The following SPATA13 variants were observed in gnomAD, a reference collection of about 807,000 sequenced individuals.
SPATA13 encodes spermatogenesis-associated protein 13.
SPATA13 carries 50 observed loss-of-function variants against 104.0 expected under a neutral mutation model. The ratio of observed to expected loss-of-function variants is 0.48; its 90% CI spans 0.38 to 0.61. The LOEUF (loss-of-function observed/expected upper bound fraction) is 0.61. Ranked by LOEUF, SPATA13 falls within the 20% of genes least tolerant of loss-of-function variation. The pLI is 0.00. For missense variants in SPATA13, 1,524 were observed against 1,690.6 expected (o/e 0.90, Z 1.73); for synonymous variants, 606 against 667.5 (o/e 0.91, Z 1.42).
At chr13:23,988,768 A>G (rs943501694) in intron 2 of SPATA13, among the ~76,000 whole-genome samples, 2 of 152,144 alleles carry the variant, frequency 1.3e-5, no homozygotes, top group Non-Finnish European at 2.9e-5. Flanking sequence ...GGGACATTGT[A>G]TTTCTTTTAC....
chr13:24,123,107 T>C, intron 3 of SPATA13: 2 of 1,002,532 alleles, frequency 2.0e-6, no homozygotes, highest in Non-Finnish European at 3.2e-6. Flanking sequence ...CACAGATCAT[T>C]TTCTGAATTG....
At chr13:24,129,643 A>C (rs1881332594) in intron 3 of SPATA13, among the ~76,000 whole-genome samples, 1 of 152,216 alleles carries the variant, frequency 6.6e-6, no homozygotes, top group Non-Finnish European at 1.5e-5. Flanking sequence ...AGGAAGAGCT[A>C]GTGGCTTCTG....
intron 1 of SPATA13, among the ~76,000 whole-genome samples, chr13:24,208,836 T>C (rs959492278): frequency 6.6e-6 from 1 of 152,198 alleles, no homozygotes; most frequent in African/African-American, 2.4e-5. Flanking sequence ...GCACTTGGTT[T>C]AATTTGAAGT....
chr13:24,153,825 T>C (rs1882176434), intron 3 of SPATA13, among the ~76,000 whole-genome samples: 3 of 151,664 alleles, frequency 2.0e-5, no homozygotes, highest in African/African-American at 7.3e-5. Context: ...AGTGAGAGAG[T>C]GGAGTTTGGA....
In SPATA13 at chr13:24,286,748, CT is replaced by C. The variant is rs1875975370; in HGVS notation, c.2482-16del. On this transcript the variant is annotated splice_polypyrimidine_tract_variant and intron_variant, in intron 6 of 12. Transcript: ENST00000382108. The surrounding 1 kb of genome is among the most constrained non-coding windows in gnomAD (Gnocchi z 4.9). ...TCCCCTGCCCCAAGTCACCTGTCCC[CT>C]GTATGTGGGTTGCAGTTGCGAGTGA... 1 of 1,612,308 alleles carries C rather than the reference CT, an allele frequency of 6.2e-7. No homozygotes were observed. Among genetic ancestry groups the C allele is most frequent in the African/African-American group, 1.3e-5 (1 of 74,846 alleles).
At chr13:24,121,994 C>T (rs1345507130) in intron 3 of SPATA13, 33 of 1,071,962 alleles carry the variant, frequency 3.1e-5, no homozygotes, top group Non-Finnish European at 4.5e-5. Flanking sequence ...ACATGAACCA[C>T]TTCTGGAACC....
At chr13:24,279,709 G>A (rs974920766) in intron 4 of SPATA13, among the ~76,000 whole-genome samples, 2 of 152,206 alleles carry the variant, frequency 1.3e-5, no homozygotes, top group African/African-American at 4.8e-5. Flanking sequence ...TTTACAGATG[G>A]GAAAACTGAA....
chr13:24,143,302 C>A (rs879573563), intron 3 of SPATA13, among the ~76,000 whole-genome samples: 1 of 152,106 alleles, frequency 6.6e-6, no homozygotes, highest in Non-Finnish European at 1.5e-5. Context: ...GGGAGGGAAC[C>A]TACGTTGCCC....
At position 24,185,067 on chromosome 13, in the gene SPATA13, T is replaced by G. The variant is rs191698356; in HGVS notation, c.-112+24135T>G. On this transcript the variant is annotated intron_variant, in intron 1 of 12. Transcript: ENST00000382108. ...TTGTGTTTTGCTTCTCCAGGGGACC[T>G]GCTCTGTCACTGCATTTGTTGCCAG... is the stretch of plus-strand genomic sequence containing the variant. Among the ~76,000 whole-genome samples, 9 of 152,358 alleles carry G rather than the reference T, an allele frequency of 5.9e-5. No individual in the cohort carries two copies. The East Asian group carries it at 1.7e-3, about 29-fold the overall frequency.
intron 4 of SPATA13, among the ~76,000 whole-genome samples, chr13:24,268,183 C>G (rs1364512661): frequency 6.6e-6 from 1 of 152,172 alleles, no homozygotes; most frequent in East Asian, 1.9e-4. Context: ...TTTTTAGAGC[C>G]TGTGATTACT....
chr13:24,042,199 A>C (rs1176816632), intron 3 of SPATA13, among the ~76,000 whole-genome samples: 2 of 152,190 alleles, frequency 1.3e-5, no homozygotes, highest in African/African-American at 4.8e-5. Context: ...AGGGTCCAGA[A>C]GGTCGTTCTG....
chr13:24,008,505 C>T (rs968090338), intron 2 of SPATA13, among the ~76,000 whole-genome samples: 8 of 151,834 alleles, frequency 5.3e-5, no homozygotes, highest in Non-Finnish European at 1.0e-4. Flanking sequence ...TCCAGGTGGA[C>T]GGTCTTGTTG....
rs1035423333 is a variant in SPATA13, at chr13:24,035,831, T to C, written c.-112+18130T>C. Among the ~76,000 whole-genome samples, 37 of 151,812 alleles carry C rather than the reference T, an allele frequency of 2.4e-4. 1 individual carries two copies. The highest frequency in any genetic ancestry group is 8.7e-4 in the African/African-American group (36 of 41,342). On this transcript the variant is annotated intron_variant, in intron 3 of 14. Transcript: ENST00000424834. ...GAGTTTGAGACCAGCCTGGCTAACA[T>C]GGCAAAAAACCATCTCTACTATAAA...
chr13:24,075,185 T>C (rs543543121), intron 3 of SPATA13, among the ~76,000 whole-genome samples: 1 of 152,356 alleles, frequency 6.6e-6, no homozygotes, highest in South Asian at 2.1e-4. Context: ...CTATTTTAAA[T>C]CTGTATGTAG....
At chr13:23,981,658 G>A (rs920935931) in intron 1 of SPATA13, among the ~76,000 whole-genome samples, 3 of 152,154 alleles carry the variant, frequency 2.0e-5, no homozygotes, top group Non-Finnish European at 4.4e-5. Context: ...TTTCAAGGCA[G>A]GCATTTTTGG....
In SPATA13 at chr13:24,249,765, C is replaced by T. The variant is rs762897184; in HGVS notation, c.1942C>T (p.Arg648Cys). Residue 648 changes from arginine to cysteine, a missense_variant, in exon 3 of 13, where the codon CGC becomes TGC. Around this residue, in one of 2 missense-constraint regions of SPATA13, gnomAD observed 1,089 missense variants for 1,135.9 expected, o/e 0.96. Coordinates refer to ENST00000382108, the MANE Select transcript of SPATA13 (RefSeq NM_001166271.3). Reference protein sequence around the residue: ...VGCPKGARRRRPISVIGGVSL... With the variant: ...VGCPKGARRRCPISVIGGVSL... ...CTGCCCCAAAGGAGCCCGGAGAAGGCGCCCCATTTCCGTGATAGGTGGGGT... is the reference window on the plus strand; with the variant it reads ...CTGCCCCAAAGGAGCCCGGAGAAGGTGCCCCATTTCCGTGATAGGTGGGGT... 1.8e-5 allele frequency: 29 copies of T among 1,613,936 alleles called. No homozygotes were observed. The highest frequency in any genetic ancestry group is 1.0e-4 in the Admixed American group (6 of 60,004).
chr13:24,291,757 T>TTA (rs1876384719), intron 9 of SPATA13, among the ~76,000 whole-genome samples: 1 of 80,008 alleles, frequency 1.2e-5, no homozygotes, highest in Non-Finnish European at 2.5e-5. Context: ...TATTTTTTTA[T>TTA]TTTTTTTTTT....
At chr13:24,006,074 C>T in intron 2 of SPATA13, among the ~76,000 whole-genome samples, 1 of 152,210 alleles carries the variant, frequency 6.6e-6, no homozygotes, top group East Asian at 1.9e-4. Flanking sequence ...TGTGTTCCTG[C>T]AGTTTCCAGT....
At chr13:24,240,241 A>C (rs964902767) in intron 2 of SPATA13, among the ~76,000 whole-genome samples, 2 of 151,976 alleles carry the variant, frequency 1.3e-5, no homozygotes, top group African/African-American at 4.8e-5. Flanking sequence ...GCCTGATGAC[A>C]GAGTGAGAAC....
Sources: allele counts gnomAD v4.1 joint callset (sites outside exome capture counted in the v4.1 genomes callset), GRCh38; gene constraint gnomAD v4.1.1; regional missense constraint gnomAD v4.1.1; non-coding constraint Gnocchi (gnomAD v3.1); transcripts MANE v1.5; gene names NCBI Gene and HGNC (gene_info 2026-07-23, HGNC 2026-07-21).